MED23: variants seen among roughly 807,000 people sequenced by gnomAD.
MED23 encodes mediator of RNA polymerase II transcription subunit 23.
MED23 carries 105 observed loss-of-function variants against 163.9 expected under a neutral mutation model. That is an observed-to-expected ratio of 0.64 (90% CI 0.55 to 0.75). The LOEUF (loss-of-function observed/expected upper bound fraction) is 0.75. Among genes scored for constraint, MED23 ranks in the 30% least tolerant of loss-of-function variants. The pLI, the probability that MED23 is intolerant of heterozygous loss-of-function variation, is 0.00. For missense variants in MED23, 1,054 were observed against 1,649.0 expected (o/e 0.64, Z 6.25); for synonymous variants, 561 against 565.6 (o/e 0.99, Z 0.12).
chr6:131,614,088 TG>T (rs1430399117), intron 10 of MED23, among the ~76,000 whole-genome samples: 1 of 152,192 alleles, frequency 6.6e-6, no homozygotes, highest in Non-Finnish European at 1.5e-5. Context: ...CAATGAAAGT[TG>T]ATCAGAATTA....
At chr6:131,605,005 T>C (rs1443761644) in intron 14 of MED23, among the ~76,000 whole-genome samples, 11 of 152,194 alleles carry the variant, frequency 7.2e-5, no homozygotes, top group Admixed American at 7.2e-4. Flanking sequence ...GTGCAAAAAA[T>C]TTTTATAATG....
chr6:131,577,135 C>T (rs2114521024), intron 30 of MED23, among the ~76,000 whole-genome samples: 1 of 152,194 alleles, frequency 6.6e-6, no homozygotes, highest in Middle Eastern at 3.4e-3. Context: ...AACAACAGCG[C>T]CTAGTGTGGG....
chr6:131,591,683 C>CAGTAACAACCT, intron 25 of MED23, 156 bp from the exon 26 acceptor site: 1 of 655,988 alleles, frequency 1.5e-6, no homozygotes, highest in Non-Finnish European at 2.7e-6. Context: ...CAAATTAAGT[C>CAGTAACAACCT]AGTAACAACC....
chr6:131,595,604 C>T (rs1774986185), intron 22 of MED23, among the ~76,000 whole-genome samples: 1 of 152,146 alleles, frequency 6.6e-6, no homozygotes, highest in Non-Finnish European at 1.5e-5. Flanking sequence ...TTTATCTCCT[C>T]CATGATTTCC....
intron 3 of MED23, among the ~76,000 whole-genome samples, chr6:131,625,710 G>C (rs1320001549): frequency 6.6e-6 from 1 of 151,762 alleles, no homozygotes; most frequent in Middle Eastern, 3.2e-3. Context: ...TTAAATTTTG[G>C]AAAGATATTC....
chr6:131,581,295 G>A (rs1298811632), intron 30 of MED23: 2 of 1,613,892 alleles, frequency 1.2e-6, no homozygotes, highest in Admixed American at 1.7e-5. Flanking sequence ...TGCTCACACT[G>A]ATATCAACAC....
At chr6:131,582,767 T>C (rs754000888), downstream of MED23, 48 of 1,509,154 alleles carry the variant, frequency 3.2e-5, no homozygotes, top group East Asian at 5.0e-4. Flanking sequence ...CTTTGTGTGC[T>C]AGATATGCTT....
At chr6:131,589,692 G>A in intron 27 of MED23, 96 bp from the exon 28 acceptor site, 4 of 1,138,252 alleles carry the variant, frequency 3.5e-6, no homozygotes, top group South Asian at 2.5e-5. Flanking sequence ...AGCACCGGGG[G>A]ATACTGTCTT....
intron 22 of MED23, 116 bp from the exon 23 acceptor site, chr6:131,594,451 T>C: frequency 1.2e-6 from 1 of 829,920 alleles, no homozygotes; most frequent in South Asian, 1.3e-5. Context: ...ATGAAACAAC[T>C]TCACATGCTG....
In MED23 at chr6:131,589,558, G is replaced by A; in HGVS notation, c.3846C>T (p.Asp1282=). The change falls in exon 28 of 29, where the codon GAC becomes GAT. Residue 1282 remains aspartate (D), a synonymous_variant. Coordinates refer to ENST00000368068, the MANE Select transcript of MED23 (RefSeq NM_004830.4). ...TGTAATTTAAATGGGTGCTACACTG[G>A]TCAACATTCAGCAGCATGTCATAAA... ...VAFYDMLLNV[D]QCSTHLNYMD... The A allele has an allele frequency of 6.2e-7, 1 of 1,613,828 alleles. No homozygotes were observed. Among genetic ancestry groups the A allele is most frequent in the Non-Finnish European group, 8.5e-7 (1 of 1,179,782 alleles).
At chr6:131,604,379 C>T in intron 14 of MED23, 59 bp from the exon 15 acceptor site, 1 of 1,531,956 alleles carries the variant, frequency 6.5e-7, no homozygotes, top group East Asian at 2.3e-5. Flanking sequence ...AACATAGGGG[C>T]TACTCTACTT....
intron 30 of MED23, among the ~76,000 whole-genome samples, chr6:131,580,005 A>G (rs1002736485): frequency 3.3e-5 from 5 of 152,184 alleles, no homozygotes; most frequent in Admixed American, 6.5e-5. Flanking sequence ...TTACATCGCT[A>G]TATACGTACA....
Position 131,603,075 on chromosome 6 carries a change from GTA to G in MED23, c.1884_1885del (p.Thr629PhefsTer29). Reference sequence around the variant, plus strand: ...GTTTGTTTGTGCAACTGCAGCCAAAGTATGAAGATGACTCAGGAGCTGAACTC... The same window carrying G: ...GTTTGTTTGTGCAACTGCAGCCAAAGTGAAGATGACTCAGGAGCTGAACTC... On this transcript the variant is annotated frameshift_variant, in exon 16 of 29. Transcript: ENST00000368068. LOFTEE classifies it high-confidence loss of function. 6.2e-7 allele frequency: 1 copy of G among 1,613,950 alleles called. No individual in the cohort carries two copies. The highest frequency in any genetic ancestry group is 8.5e-7 in the Non-Finnish European group (1 of 1,179,866).
At chr6:131,626,351 C>T (rs1003644919) in intron 3 of MED23, among the ~76,000 whole-genome samples, 1 of 150,930 alleles carries the variant, frequency 6.6e-6, no homozygotes, top group African/African-American at 2.4e-5. Context: ...ACTTAGAAGA[C>T]AGTAGAAGAT....
At chr6:131,581,568 A>G (rs1428461916) in intron 30 of MED23, among the ~76,000 whole-genome samples, 1 of 152,198 alleles carries the variant, frequency 6.6e-6, no homozygotes, top group Non-Finnish European at 1.5e-5. Context: ...TTGCAAACTG[A>G]CTTAATATAT....
In MED23 at chr6:131,600,015, T is replaced by A. The variant is rs370759114; in HGVS notation, c.2220+23A>T. The A allele has an allele frequency of 8.9e-5, 143 of 1,613,434 alleles. No homozygotes were observed. In the African/African-American group the frequency reaches 1.8e-3, roughly 20 times the overall value. On this transcript the variant is annotated intron_variant, in intron 18 of 28. Coordinates refer to ENST00000368068, the MANE Select transcript of MED23 (RefSeq NM_004830.4). ...GAAGAAGGATTTCATGTGCATTCAATAAGTAATTCAAGACCAAATTACCTG... is the reference window on the plus strand; with the variant it reads ...GAAGAAGGATTTCATGTGCATTCAAAAAGTAATTCAAGACCAAATTACCTG...
Position 131,594,153 on chromosome 6 carries a change from G to C in MED23, c.3178C>G (p.Pro1060Ala). 1 of 1,614,072 alleles carries C rather than the reference G, an allele frequency of 6.2e-7. No individual in the cohort carries two copies. Among genetic ancestry groups the C allele is most frequent in the South Asian group, 1.1e-5 (1 of 91,078 alleles). Residue 1060 changes from proline (P) to alanine (A), a missense_variant, in exon 23 of 29, where the codon CCT (proline) becomes GCT (alanine). Around this residue, in one of 11 missense-constraint regions of MED23, gnomAD observed 362 missense variants for 471.6 expected, o/e 0.77. Coordinates refer to ENST00000368068, the MANE Select transcript of MED23 (RefSeq NM_004830.4). Reference protein sequence around the residue: ...KCAMNAREENPWVPDDTYYCR... With the variant: ...KCAMNAREENAWVPDDTYYCR... ...TAGTAGGTGTCATCTGGAACCCAAG[G>C]ATTTTCCTCTCGTGCATTCATAGCG...
intron 23 of MED23, among the ~76,000 whole-genome samples, 179 bp downstream of exon 23, chr6:131,593,920 A>G (rs1774844349): frequency 6.6e-6 from 1 of 152,166 alleles, no homozygotes; most frequent in Non-Finnish European, 1.5e-5. Context: ...ATTTCAGCCT[A>G]ATTGGCATGA....
intron 28 of MED23, among the ~76,000 whole-genome samples, chr6:131,588,164 C>T (rs576726947): frequency 6.6e-6 from 1 of 152,192 alleles, no homozygotes; most frequent in Non-Finnish European, 1.5e-5. Context: ...AGTCATCCCA[C>T]TACCAAAAGC....
Sources: allele counts gnomAD v4.1 joint callset (sites outside exome capture counted in the v4.1 genomes callset), GRCh38; gene constraint gnomAD v4.1.1; regional missense constraint gnomAD v4.1.1; transcripts MANE v1.5; gene names NCBI Gene and HGNC (gene_info 2026-07-23, HGNC 2026-07-21).